The following GABRR3 variants were observed in gnomAD, a reference collection of about 807,000 sequenced individuals.
The protein encoded by GABRR3 is gamma-aminobutyric acid receptor subunit rho-3.
GABRR3 carries 29 observed loss-of-function variants against 43.2 expected under a neutral mutation model. The ratio of observed to expected loss-of-function variants is 0.67; its 90% CI spans 0.50 to 0.92. GABRR3 has a LOEUF of 0.92. Ranked by LOEUF, GABRR3 falls within the 40% of genes least tolerant of loss-of-function variation. The pLI is 0.00. For synonymous variants in GABRR3, 206 were observed against 195.9 expected (o/e 1.05, Z -0.43); for missense variants, 576 against 572.3 (o/e 1.01, Z -0.07).
intron 9 of GABRR3, among the ~76,000 whole-genome samples, chr3:97,989,029 G>C (rs1336702190): frequency 4.0e-5 from 6 of 151,118 alleles, no homozygotes; most frequent in African/African-American, 1.5e-4. Context: ...GCGGGTATAT[G>C]GTAGTGGTGG....
At chr3:98,014,171 T>C (rs1286529287) in intron 4 of GABRR3, among the ~76,000 whole-genome samples, 1 of 152,214 alleles carries the variant, frequency 6.6e-6, no homozygotes, top group Admixed American at 6.5e-5. Flanking sequence ...TTTTATCTGA[T>C]ACGGACTAGC....
chr3:97,988,987 G>T (rs1165268905), intron 9 of GABRR3, among the ~76,000 whole-genome samples: 1 of 150,024 alleles, frequency 6.7e-6, no homozygotes, highest in African/African-American at 2.5e-5. Context: ...AGTGGTCATG[G>T]TTGGTGGTGT....
chr3:98,017,370 C>T lies in GABRR3; in HGVS notation c.306+285G>A, dbSNP rs527549114. Among the ~76,000 whole-genome samples, 25 of 152,168 alleles carry T rather than the reference C, an allele frequency of 1.6e-4. No homozygotes were observed. The South Asian group carries it at 5.0e-3, about 30-fold the overall frequency. On this transcript the variant is annotated intron_variant, in intron 4 of 9. Transcript: ENST00000621172. ...CATCCTTCTGTTTATACAATTGTTC[C>T]CAGTTCTTGCTACATTGGTAAATAT...
Position 98,007,744 on chromosome 3 carries a change from AC to A in GABRR3, c.754+19del. On this transcript the variant is annotated intron_variant, in intron 7 of 9. Transcript: ENST00000621172. ...GATGTCCAATAAATGCTGATGAATC[AC>A]CCATGTAAAATGCTGTACCTGTGCT... The A allele has an allele frequency of 6.2e-7, 1 of 1,612,656 alleles. No individual in the cohort carries two copies. Among genetic ancestry groups the A allele is most frequent in the Non-Finnish European group, 8.5e-7 (1 of 1,179,392 alleles).
At chr3:97,991,165 G>A (rs918775961) in intron 9 of GABRR3, among the ~76,000 whole-genome samples, 3 of 152,170 alleles carry the variant, frequency 2.0e-5, no homozygotes, top group African/African-American at 7.2e-5. Context: ...GTACTTCAGT[G>A]CCTATTTCTT....
intron 2 of GABRR3, among the ~76,000 whole-genome samples, chr3:98,034,377 G>A (rs908314417): frequency 3.3e-5 from 5 of 152,018 alleles, no homozygotes; most frequent in African/African-American, 1.2e-4. Context: ...TTCATGATTT[G>A]TCAAACGTAT....
At chr3:97,993,595 T>C (rs916684021) in intron 8 of GABRR3, among the ~76,000 whole-genome samples, 6 of 152,204 alleles carry the variant, frequency 3.9e-5, no homozygotes, top group African/African-American at 1.2e-4. Flanking sequence ...ATTCTCTTTG[T>C]CGATTGTTAA....
chr3:97,989,208 GTGT>G (rs1481086051), intron 9 of GABRR3, among the ~76,000 whole-genome samples: 3 of 151,498 alleles, frequency 2.0e-5, no homozygotes, highest in Non-Finnish European at 4.4e-5. Context: ...GATGGTGGTG[GTGT>G]TGGTGGATGG....
intron 8 of GABRR3, chr3:97,999,176 T>C (rs1432254213): frequency 2.0e-5 from 3 of 152,148 alleles, no homozygotes; most frequent in African/African-American, 7.2e-5. Flanking sequence ...AACAGTATAA[T>C]GTGAATTAGT....
At chr3:98,009,426 T>C (rs746407030) in intron 5 of GABRR3, among the ~76,000 whole-genome samples, 32 of 152,280 alleles carry the variant, frequency 2.1e-4, no homozygotes, top group Non-Finnish European at 4.7e-4. Context: ...TAACAAAGGG[T>C]TGGAATGGTG....
At chr3:98,034,835 T>C in intron 2 of GABRR3, 28 bp downstream of exon 2, 1 of 1,611,376 alleles carries the variant, frequency 6.2e-7, no homozygotes, top group Non-Finnish European at 8.5e-7. Context: ...GGGCAGTAAT[T>C]CCATGGACTG....
At chr3:97,986,349 A>G (rs1706386868), downstream of GABRR3, among the ~76,000 whole-genome samples, 1 of 152,188 alleles carries the variant, frequency 6.6e-6, no homozygotes, top group Non-Finnish European at 1.5e-5. Context: ...ATATCTTTGA[A>G]TTATTGTTAT....
downstream of GABRR3, among the ~76,000 whole-genome samples, chr3:97,986,174 T>C (rs1706384646): frequency 6.6e-6 from 1 of 152,158 alleles, no homozygotes; most frequent in African/African-American, 2.4e-5. Context: ...CCTGAAACAA[T>C]ATTTAAATAA....
In GABRR3 at chr3:98,008,939, C is replaced by T. The variant is rs750843422; in HGVS notation, c.613+17G>A. ...TTCAAATGATGTGCACTCACTCCAC[C>T]AGGAAGTGAGACTTACAGCTTTCCA... On this transcript the variant is annotated intron_variant, in intron 6 of 9. Coordinates refer to ENST00000621172, the Ensembl canonical transcript of GABRR3. 4.7e-6 allele frequency: 7 copies of T among 1,500,960 alleles called. No homozygotes were observed. In the Admixed American group the frequency reaches 1.1e-4, roughly 23 times the overall value. 93.0% of individuals were successfully genotyped at this position (1,500,960 alleles called of 1,614,324 possible).
intron 7 of GABRR3, among the ~76,000 whole-genome samples, chr3:98,002,379 C>T (rs895489977): frequency 1.2e-4 from 19 of 152,108 alleles, no homozygotes; most frequent in East Asian, 3.9e-4. Context: ...TATAAACTCA[C>T]GTTGGTAATA....
exon 4 of GABRR3, chr3:98,017,679 A>G (rs770491801): frequency 2.5e-6 from 4 of 1,610,894 alleles, no homozygotes; most frequent in Non-Finnish European, 3.4e-6. Flanking sequence ...AAATGCTGTC[A>G]ATGCTTTCAA....
In GABRR3 at chr3:98,033,004, A is replaced by C. The variant is rs1421860826; in HGVS notation, c.125+1859T>G. Among the ~76,000 whole-genome samples the C allele has an allele frequency of 2.0e-5, 3 of 152,176 alleles. No individual in the cohort carries two copies. In the East Asian group the frequency reaches 5.8e-4, roughly 29 times the overall value. On this transcript the variant is annotated intron_variant, in intron 2 of 9. Coordinates refer to ENST00000621172, the Ensembl canonical transcript of GABRR3. ...GGCCTCTTACTCTAAAAATGACTCT[A>C]TACAGTAATTACTGTATTTTGGTCA...
intron 3 of GABRR3, among the ~76,000 whole-genome samples, chr3:98,024,229 C>T (rs146261486): frequency 2.7e-3 from 405 of 152,090 alleles, no homozygotes; most frequent in Non-Finnish European, 4.8e-3. Context: ...CCTGGTTTCA[C>T]GTGCCTGTAA....
At chr3:98,025,383 T>C (rs570962971) in intron 3 of GABRR3, among the ~76,000 whole-genome samples, 184 bp downstream of exon 3, 41 of 152,348 alleles carry the variant, frequency 2.7e-4, no homozygotes, top group Non-Finnish European at 5.1e-4. Context: ...AATGAGTTTT[T>C]TTGGTCAATT....
Sources: allele counts gnomAD v4.1 joint callset (sites outside exome capture counted in the v4.1 genomes callset), GRCh38; gene constraint gnomAD v4.1.1; transcripts MANE v1.5; gene names NCBI Gene and HGNC (gene_info 2026-07-23, HGNC 2026-07-21).